CLASP2: variants seen among roughly 807,000 people sequenced by gnomAD.
CLASP2 encodes the protein CLIP-associating protein 2.
CLASP2 carries 47 observed loss-of-function variants against 194.4 expected under a neutral mutation model. The observed-to-expected ratio is 0.24, with a 90% CI of 0.19 to 0.31. The LOEUF is 0.31. CLASP2 is among the 10% of genes least tolerant of loss of function. The pLI is 1.00. For missense variants in CLASP2, 1,445 were observed against 1,823.6 expected, an observed-to-expected ratio of 0.79 and a Z score of 3.78; for synonymous variants, 619 against 633.5, an observed-to-expected ratio of 0.98 and a Z score of 0.34.
intron 24 of CLASP2, chr3:33,573,590 A>G (rs1452218813): frequency 7.4e-6 from 4 of 543,272 alleles, no homozygotes; most frequent in Non-Finnish European, 9.8e-6. Flanking sequence ...GAGTAAGACT[A>G]TATGGAAGTT....
chr3:33,684,860 G>C (rs2090405731), intron 5 of CLASP2, among the ~76,000 whole-genome samples: 1 of 151,866 alleles, frequency 6.6e-6, no homozygotes, highest in Non-Finnish European at 1.5e-5. Context: ...ACATTAGCTG[G>C]GCATGGTGGC....
intron 12 of CLASP2, among the ~76,000 whole-genome samples, chr3:33,617,282 C>T (rs2076355944): frequency 6.6e-6 from 1 of 151,802 alleles, no homozygotes; most frequent in Non-Finnish European, 1.5e-5. Flanking sequence ...AAACTGAAAA[C>T]ACATTTAAGA....
At chr3:33,697,273 G>A (rs555725245) in intron 1 of CLASP2, among the ~76,000 whole-genome samples, 1 of 152,142 alleles carries the variant, frequency 6.6e-6, no homozygotes, top group Admixed American at 6.5e-5. Context: ...TGTATCATCA[G>A]GTAATTTTGT....
chr3:33,540,717 C>G (rs897338138), intron 32 of CLASP2, among the ~76,000 whole-genome samples: 1 of 151,676 alleles, frequency 6.6e-6, no homozygotes, highest in Non-Finnish European at 1.5e-5. Context: ...CTTGATGAAG[C>G]ACACTATAAT....
intron 21 of CLASP2, among the ~76,000 whole-genome samples, chr3:33,591,777 C>T (rs989028192): frequency 6.6e-6 from 1 of 152,094 alleles, no homozygotes; most frequent in Admixed American, 6.5e-5. Context: ...TTAAATTTAA[C>T]ATGAATGAAA....
chr3:33,619,265 A>C (rs1260103103), intron 12 of CLASP2, among the ~76,000 whole-genome samples: 1 of 152,160 alleles, frequency 6.6e-6, no homozygotes, highest in South Asian at 2.1e-4. Flanking sequence ...AACTACATTA[A>C]AAATTTGCCT....
chr3:33,682,773 A>AAAAAAC (rs747891539), intron 6 of CLASP2, among the ~76,000 whole-genome samples: 5 of 152,278 alleles, frequency 3.3e-5, no homozygotes, highest in African/African-American at 7.2e-5. Flanking sequence ...TGACTAATTT[A>AAAAAAC]AAAAACAAAA....
chr3:33,599,414 G>A (rs1346006775), intron 18 of CLASP2, among the ~76,000 whole-genome samples: 3 of 152,106 alleles, frequency 2.0e-5, no homozygotes, highest in Non-Finnish European at 4.4e-5. Flanking sequence ...TTGAGTCACT[G>A]TGCCGGCCTC....
chr3:33,498,756 T>C (rs1260137379), intron 38 of CLASP2, 39 bp from the exon 39 acceptor site: 42 of 1,330,734 alleles, frequency 3.2e-5, no homozygotes, highest in Non-Finnish European at 4.1e-5. Context: ...TTGAGCAAGC[T>C]GCTCCAAATT....
At chr3:33,572,632 A>G (rs994065201) in intron 25 of CLASP2, among the ~76,000 whole-genome samples, 5 of 152,132 alleles carry the variant, frequency 3.3e-5, no homozygotes, top group African/African-American at 1.2e-4. Flanking sequence ...AAATATTAAC[A>G]AATATCTGTT....
At chr3:33,594,190 A>G (rs940185808) in intron 20 of CLASP2, among the ~76,000 whole-genome samples, 18 of 152,212 alleles carry the variant, frequency 1.2e-4, no homozygotes, top group Non-Finnish European at 4.4e-5. Flanking sequence ...CTTAAAATAC[A>G]AAATTATTTT....
chr3:33,696,060 T>C (rs923936717), intron 2 of CLASP2, among the ~76,000 whole-genome samples: 1 of 152,158 alleles, frequency 6.6e-6, no homozygotes, highest in African/African-American at 2.4e-5. Context: ...CTACAGACTG[T>C]CTATGATAAG....
intron 25 of CLASP2, among the ~76,000 whole-genome samples, chr3:33,571,805 T>C (rs760696197): frequency 9.2e-5 from 14 of 152,122 alleles, no homozygotes; most frequent in Admixed American, 2.0e-4. Flanking sequence ...CTCATCTCTT[T>C]AAAAACAGAA....
chr3:33,664,553 A>G (rs2085847763), intron 6 of CLASP2, among the ~76,000 whole-genome samples: 2 of 152,204 alleles, frequency 1.3e-5, no homozygotes, highest in African/African-American at 2.4e-5. Flanking sequence ...AGTAAGAACT[A>G]AAAAATTTTT....
intron 28 of CLASP2, 117 bp downstream of exon 28, chr3:33,560,691 C>G: frequency 1.2e-6 from 1 of 814,196 alleles, no homozygotes; most frequent in Non-Finnish European, 2.0e-6. Flanking sequence ...AATCTTCAAA[C>G]GGAATCCATG....
intron 6 of CLASP2, among the ~76,000 whole-genome samples, chr3:33,665,370 G>A (rs1466437113): frequency 6.6e-6 from 1 of 152,106 alleles, no homozygotes; most frequent in Non-Finnish European, 1.5e-5. Flanking sequence ...GAATATGGGA[G>A]AGAGGAGGGG....
chr3:33,565,375 T>C (rs1194779608), intron 27 of CLASP2, among the ~76,000 whole-genome samples: 2 of 151,724 alleles, frequency 1.3e-5, no homozygotes, highest in African/African-American at 2.4e-5. Flanking sequence ...GAGATAGGGT[T>C]TCACCATGTT....
Position 33,591,484 on chromosome 3 carries a change from G to A in CLASP2, c.2068+911C>T, listed in dbSNP as rs182069907. ...AAAAATTAGCCAGGCAGTGGCGCAA[G>A]CCTGTGGCACCAGCCACTCAAGAGG... On this transcript the variant is annotated intron_variant, in intron 21 of 38. Coordinates refer to ENST00000682230, the MANE Select transcript of CLASP2 (RefSeq NM_001365631.1). Among the ~76,000 whole-genome samples the A allele has an allele frequency of 7.4e-3, 1,125 of 151,670 alleles. 12 individuals carry two copies. The highest frequency in any genetic ancestry group is 0.011 in the Non-Finnish European group (779 of 67,854).
chr3:33,671,257 C>T (rs530656337), intron 6 of CLASP2, among the ~76,000 whole-genome samples: 1 of 152,206 alleles, frequency 6.6e-6, no homozygotes, highest in East Asian at 1.9e-4. Flanking sequence ...ACTTCCTCTC[C>T]CATACCTTAC....
Sources: gnomAD v4.1 joint callset for allele counts (sites outside exome capture counted in the v4.1 genomes callset) on GRCh38, gnomAD v4.1.1 for gene constraint, MANE v1.5 for transcripts, NCBI Gene and HGNC (gene_info 2026-07-23, HGNC 2026-07-21) for gene names.